FAM228A: variants seen among roughly 807,000 people sequenced by gnomAD.
The protein encoded by FAM228A is protein FAM228A.
In FAM228A, 13 loss-of-function variants were observed where a neutral mutation model predicts 18.6. The observed-to-expected ratio is 0.70, with a 90% confidence interval of 0.45 to 1.11. The LOEUF is 1.11. Among genes scored for constraint, FAM228A ranks in the 50% least tolerant of loss-of-function variants. The pLI is 0.00. For missense variants in FAM228A, 240 were observed against 242.2 expected (o/e 0.99, Z 0.06); for synonymous variants, 77 against 86.6 (o/e 0.89, Z 0.61).
chr2:24,180,395 T>G (rs1236819507), intron 3 of FAM228A, among the ~76,000 whole-genome samples: 1 of 151,896 alleles, frequency 6.6e-6, no homozygotes, highest in Non-Finnish European at 1.5e-5. Context: ...GAGGTTGCAG[T>G]GAGCCATGAT....
At chr2:24,182,431 C>G (rs1443244548) in intron 3 of FAM228A, among the ~76,000 whole-genome samples, 1 of 152,120 alleles carries the variant, frequency 6.6e-6, no homozygotes, top group African/African-American at 2.4e-5. Context: ...TAATTGTTTA[C>G]CTAGCACTTC....
At chr2:24,185,131 T>C (rs1324160674) in intron 5 of FAM228A, among the ~76,000 whole-genome samples, 1 of 152,124 alleles carries the variant, frequency 6.6e-6, no homozygotes, top group Non-Finnish European at 1.5e-5. Flanking sequence ...CCTGCTTTTA[T>C]AGTTTTGCTT....
intron 5 of FAM228A, among the ~76,000 whole-genome samples, chr2:24,187,676 C>T (rs906003363): frequency 1.3e-5 from 2 of 152,208 alleles, no homozygotes; most frequent in Non-Finnish European, 2.9e-5. Context: ...TGGTTGGAAT[C>T]ATACAACATT....
At chr2:24,176,764 C>G (rs1378338440) in intron 2 of FAM228A, among the ~76,000 whole-genome samples, 2 of 152,180 alleles carry the variant, frequency 1.3e-5, no homozygotes, top group Non-Finnish European at 2.9e-5. Context: ...AAAGAAGAAT[C>G]AGAAATTGAA....
At chr2:24,180,367 A>G (rs1441493968) in intron 3 of FAM228A, among the ~76,000 whole-genome samples, 2 of 151,486 alleles carry the variant, frequency 1.3e-5, no homozygotes, top group Admixed American at 6.6e-5. Flanking sequence ...TGGGAGGATC[A>G]CTTGAGCCTG....
intron 5 of FAM228A, among the ~76,000 whole-genome samples, chr2:24,189,625 G>A (rs2151049690): frequency 6.6e-6 from 1 of 152,248 alleles, no homozygotes; most frequent in South Asian, 2.1e-4. Context: ...ATTAATGGAG[G>A]AAGAAAAGAG....
At position 24,189,929 on chromosome 2, in the gene FAM228A, G is replaced by A. The variant is rs1453664765; in HGVS notation, c.402-483G>A. ...TGCTCGGGGGACGGACTGGGAGGCT[G>A]GAGCCAGGCGCTCGGGGGACTGACT... On this transcript the variant is annotated intron_variant, in intron 5 of 5. Coordinates refer to ENST00000295150, the MANE Select transcript of FAM228A (RefSeq NM_001040710.3). Among the ~76,000 whole-genome samples the A allele has an allele frequency of 5.3e-5, 8 of 152,222 alleles. No individual in the cohort carries two copies. In the South Asian group the frequency reaches 1.0e-3, roughly 20 times the overall value.
At chr2:24,179,095 T>C in intron 3 of FAM228A, 2 of 959,888 alleles carry the variant, frequency 2.1e-6, no homozygotes, top group Non-Finnish European at 2.6e-6. Flanking sequence ...TTTCCTTTTT[T>C]GTATCACTTC....
chr2:24,182,860 G>T (rs533827750), intron 3 of FAM228A, among the ~76,000 whole-genome samples: 1 of 152,080 alleles, frequency 6.6e-6, no homozygotes, highest in Admixed American at 6.5e-5. Flanking sequence ...CTATCTGGGC[G>T]GCCCTCCCTC....
At chr2:24,178,385 C>G (rs1313655432) in intron 3 of FAM228A, among the ~76,000 whole-genome samples, 6 of 151,952 alleles carry the variant, frequency 3.9e-5, no homozygotes, top group African/African-American at 1.5e-4. Flanking sequence ...CCAGCCTGGG[C>G]AACATAGTGA....
chr2:24,187,264 CCCT>C (rs375103786), intron 5 of FAM228A, among the ~76,000 whole-genome samples: 4 of 152,140 alleles, frequency 2.6e-5, no homozygotes, highest in African/African-American at 9.7e-5. Context: ...ATCTTTATTT[CCCT>C]CCTTTTTTCA....
chr2:24,190,437 A>G lies in FAM228A; in HGVS notation c.427A>G (p.Lys143Glu), dbSNP rs780100538. The G allele has an allele frequency of 1.2e-6, 2 of 1,613,590 alleles. No individual in the cohort carries two copies. Among genetic ancestry groups the G allele is most frequent in the Non-Finnish European group, 1.7e-6 (2 of 1,179,888 alleles). Reference protein sequence around the residue: ...YSPEKLIYADKKQKRKEKKTA... With the variant: ...YSPEKLIYADEKQKRKEKKTA... ...TCCTGAAAAGCTCATCTATGCAGAC[A>G]AGAAACAGAAAAGAAAAGAGAAAAA... Residue 143 changes from lysine (K) to glutamate (E), a missense_variant, in exon 6 of 6, where the codon AAG becomes GAG. Lys to Glu is a moderately conservative substitution (Grantham distance 56, BLOSUM62 1). Transcript: ENST00000295150.
At position 24,175,486 on chromosome 2, in the gene FAM228A, T is replaced by C; in HGVS notation, c.6T>C (p.Ala2=). The change falls in exon 2 of 6, where the codon GCT becomes GCC. Residue 2 remains alanine (A), a synonymous_variant. Transcript: ENST00000295150. ...CCTCAGGGATTCTCCTGTCCATGGC[T>C]GCCACCAAAACTGCGAGTTATGATG... M[A]ATKTASYDEH... is the part of the protein sequence containing the mutation. 6.2e-7 allele frequency: 1 copy of C among 1,613,998 alleles called. No individual in the cohort carries two copies. Among genetic ancestry groups the C allele is most frequent in the South Asian group, 1.1e-5 (1 of 91,080 alleles).
At position 24,190,861 on chromosome 2, in the gene FAM228A, A is replaced by T. The variant is rs1046612437; in HGVS notation, c.*230A>T. 3.8e-5 allele frequency: 47 copies of T among 1,227,382 alleles called. No homozygotes were observed. The highest frequency in any genetic ancestry group is 4.3e-5 in the Non-Finnish European group (42 of 981,924). The allele number at this position is 1,227,382 out of a possible 1,614,324, so 76.0% of individuals were successfully genotyped here. On this transcript the variant is annotated 3_prime_UTR_variant, in exon 6 of 6. Transcript: ENST00000295150. ...GGAGACATCCTGTCCTTCCGAGGTG[A>T]GGGCCAACCTGGCCACAGGGGCTTT...
At chr2:24,175,886 T>C in intron 2 of FAM228A, 1 of 1,088,322 alleles carries the variant, frequency 9.2e-7, no homozygotes, top group Non-Finnish European at 1.1e-6. Flanking sequence ...CTGGTAATGA[T>C]TTTCTCAAAA....
chr2:24,182,255 T>A (rs544443713), intron 3 of FAM228A, among the ~76,000 whole-genome samples: 3 of 152,320 alleles, frequency 2.0e-5, no homozygotes, highest in South Asian at 2.1e-4. Context: ...GTTAATTTTT[T>A]AAAAAATATG....
intron 3 of FAM228A, among the ~76,000 whole-genome samples, chr2:24,179,935 AT>A (rs1284117127): frequency 6.6e-6 from 1 of 152,170 alleles, no homozygotes; most frequent in Non-Finnish European, 1.5e-5. Context: ...GGAGAATGGT[AT>A]TGCATGGCTG....
intron 3 of FAM228A, among the ~76,000 whole-genome samples, chr2:24,178,124 C>T (rs984009245): frequency 2.6e-5 from 4 of 152,218 alleles, no homozygotes; most frequent in African/African-American, 7.2e-5. Context: ...ATTGCTCCTT[C>T]TCTTCGTCCT....
intron 5 of FAM228A, among the ~76,000 whole-genome samples, chr2:24,187,096 T>C (rs1227237842): frequency 3.9e-5 from 6 of 152,206 alleles, no homozygotes; most frequent in Admixed American, 2.0e-4. Context: ...TTTACCCCAC[T>C]TTCCCTTTTG....
Sources: allele counts gnomAD v4.1 joint callset (sites outside exome capture counted in the v4.1 genomes callset), GRCh38; gene constraint gnomAD v4.1.1; transcripts MANE v1.5; gene names NCBI Gene and HGNC (gene_info 2026-07-23, HGNC 2026-07-21).